Variants in TPST1 observed in about 807,000 individuals in gnomAD.
The protein encoded by TPST1 is tyrosylprotein sulfotransferase 1.
In TPST1, 20 loss-of-function variants were observed where a neutral mutation model predicts 34.8. The observed-to-expected ratio is 0.57, with a 90% CI of 0.40 to 0.84. The LOEUF (loss-of-function observed/expected upper bound fraction) is 0.84, where lower values mean the gene tolerates loss of function less well. Among genes scored for constraint, TPST1 ranks in the 40% least tolerant of loss-of-function variants. The pLI is 0.00. For synonymous variants in TPST1, 152 were observed against 159.4 expected, an observed-to-expected ratio of 0.95 and a Z score of 0.35; for missense variants, 353 against 455.5, an observed-to-expected ratio of 0.78 and a Z score of 2.05.
At chr7:66,264,624 A>C (rs1018061356) in intron 2 of TPST1, among the ~76,000 whole-genome samples, 3 of 152,242 alleles carry the variant, frequency 2.0e-5, no homozygotes, top group Non-Finnish European at 4.4e-5. Flanking sequence ...TTACAGAATT[A>C]GTTTTGATAA....
Position 66,241,145 on chromosome 7 carries a change from A to G in TPST1, c.720A>G (p.Glu240=). Residue 240 remains glutamate, a synonymous_variant, in exon 2 of 6, where the codon GAA becomes GAG. Coordinates refer to ENST00000304842, the MANE Select transcript of TPST1 (RefSeq NM_003596.4). ...AAAAGTGCATGTTGGTTCACTATGA[A>G]CAACTTGTCTTACATCCTGAACGGT... ...GYKKCMLVHY[E]QLVLHPERWM... is the part of the protein sequence containing the mutation. 6.2e-7 allele frequency: 1 copy of G among 1,614,216 alleles called. No homozygotes were observed. Among genetic ancestry groups the G allele is most frequent in the Non-Finnish European group, 8.5e-7 (1 of 1,180,036 alleles).
At chr7:66,327,954 G>GTTTGTCTCTTTGTTGTGT (rs1258557311) in intron 3 of TPST1, among the ~76,000 whole-genome samples, 2 of 91,808 alleles carry the variant, frequency 2.2e-5, no homozygotes, top group African/African-American at 8.5e-5. Context: ...CATACATTTT[G>GTTTGTCTCTTTGTTGTGT]TTTGTCTCTT....
At chr7:66,228,295 ATTG>A (rs1393373845) in intron 1 of TPST1, among the ~76,000 whole-genome samples, 1 of 152,216 alleles carries the variant, frequency 6.6e-6, no homozygotes, top group Non-Finnish European at 1.5e-5. Context: ...CTACAATCAA[ATTG>A]TTGTTAAGGA....
chr7:66,206,446 A>G (rs927813785), intron 1 of TPST1, among the ~76,000 whole-genome samples: 3 of 152,146 alleles, frequency 2.0e-5, no homozygotes, highest in East Asian at 1.9e-4. Flanking sequence ...CAGTGTCCAC[A>G]GGGATTTGAC....
intron 1 of TPST1, among the ~76,000 whole-genome samples, chr7:66,214,979 T>C (rs1358703425): frequency 6.8e-6 from 1 of 147,098 alleles, no homozygotes; most frequent in African/African-American, 2.5e-5. Context: ...TTATAAGATA[T>C]ATGCATTAAC....
At chr7:66,350,846 CA>C (rs1182148758) in intron 3 of TPST1, among the ~76,000 whole-genome samples, 1 of 152,068 alleles carries the variant, frequency 6.6e-6, no homozygotes, top group African/African-American at 2.4e-5. Context: ...TTTGCTGTTG[CA>C]AAGTGTTGAA....
At chr7:66,251,250 A>G (rs1271432173) in intron 2 of TPST1, among the ~76,000 whole-genome samples, 1 of 152,158 alleles carries the variant, frequency 6.6e-6, no homozygotes, top group Non-Finnish European at 1.5e-5. Flanking sequence ...TTATTATTAT[A>G]ATAATAAGGA....
At chr7:66,315,174 T>A (rs1416938650) in intron 3 of TPST1, among the ~76,000 whole-genome samples, 1 of 152,230 alleles carries the variant, frequency 6.6e-6, no homozygotes, top group Non-Finnish European at 1.5e-5. Context: ...AAGGAATGAC[T>A]TAACACGGTG....
intron 2 of TPST1, among the ~76,000 whole-genome samples, chr7:66,267,862 C>T (rs932908732): frequency 6.6e-6 from 1 of 152,154 alleles, no homozygotes; most frequent in Admixed American, 6.5e-5. Context: ...GAAATGCATA[C>T]ACATATTGTA....
chr7:66,278,892 A>T (rs1790876314), intron 2 of TPST1, among the ~76,000 whole-genome samples: 1 of 152,180 alleles, frequency 6.6e-6, no homozygotes, highest in African/African-American at 2.4e-5. Context: ...TTCTGATATG[A>T]TTCTAAACAT....
chr7:66,200,483 A>C (rs920435430), upstream of TPST1, among the ~76,000 whole-genome samples: 1 of 93,522 alleles, frequency 1.1e-5, no homozygotes, highest in Non-Finnish European at 2.2e-5. Flanking sequence ...GCAGTGGCGC[A>C]ATCTCGGCTC....
chr7:66,273,079 T>C (rs1383148716), intron 2 of TPST1, among the ~76,000 whole-genome samples: 2 of 152,174 alleles, frequency 1.3e-5, no homozygotes, highest in African/African-American at 4.8e-5. Context: ...ATGAATTCAG[T>C]AAAATTTCAA....
Position 66,240,576 on chromosome 7 carries a change from G to A in TPST1, c.151G>A (p.Val51Met), listed in dbSNP as rs747444131. The change falls in exon 2 of 6, where the codon GTG becomes ATG. Residue 51 changes from valine (V) to methionine (M), a missense_variant. Transcript: ENST00000304842. The part of the protein sequence containing the change: ...PVKLESTRTT[V>M]RTGLDLKANK... ...CAAATTGGAGAGCACAAGGACCACTGTGAGAACTGGCCTGGACCTCAAAGC... is the reference window on the plus strand; with the variant it reads ...CAAATTGGAGAGCACAAGGACCACTATGAGAACTGGCCTGGACCTCAAAGC... 6 of 1,614,080 alleles carry A rather than the reference G, an allele frequency of 3.7e-6. No homozygotes were observed. Among genetic ancestry groups the A allele is most frequent in the Non-Finnish European group, 5.1e-6 (6 of 1,180,046 alleles).
upstream of TPST1, among the ~76,000 whole-genome samples, chr7:66,201,519 T>C (rs1016388082): frequency 4.6e-5 from 7 of 151,796 alleles, no homozygotes; most frequent in Admixed American, 4.6e-4. Flanking sequence ...GGTGAAACCC[T>C]GTCTCTACTA....
intron 3 of TPST1, among the ~76,000 whole-genome samples, chr7:66,298,311 A>G (rs1791243665): frequency 6.6e-6 from 1 of 152,100 alleles, no homozygotes; most frequent in South Asian, 2.1e-4. Context: ...TGTTTCATGT[A>G]TTTAGGATCT....
At chr7:66,214,001 T>C (rs1789334222) in intron 1 of TPST1, among the ~76,000 whole-genome samples, 2 of 152,194 alleles carry the variant, frequency 1.3e-5, no homozygotes, top group African/African-American at 4.8e-5. Flanking sequence ...CTGCCTTTTG[T>C]TTCATAACAG....
chr7:66,281,648 A>G (rs1385157559), intron 2 of TPST1, among the ~76,000 whole-genome samples: 2 of 152,220 alleles, frequency 1.3e-5, no homozygotes, highest in East Asian at 1.9e-4. Flanking sequence ...ATGGTATTTC[A>G]TTACATGTTT....
intron 2 of TPST1, among the ~76,000 whole-genome samples, chr7:66,269,838 A>G (rs945129190): frequency 2.0e-5 from 3 of 152,152 alleles, no homozygotes; most frequent in Admixed American, 2.0e-4. Context: ...GTAAGGTGAT[A>G]TTTGAGTAGA....
At chr7:66,318,850 A>G (rs1161951005) in intron 3 of TPST1, among the ~76,000 whole-genome samples, 1 of 152,156 alleles carries the variant, frequency 6.6e-6, no homozygotes, top group Non-Finnish European at 1.5e-5. Context: ...AATTCTTGAA[A>G]TGTTGTTTTG....
Sources: gnomAD v4.1 joint callset for allele counts (sites outside exome capture counted in the v4.1 genomes callset) on GRCh38, gnomAD v4.1.1 for gene constraint, MANE v1.5 for transcripts, NCBI Gene and HGNC (gene_info 2026-07-23, HGNC 2026-07-21) for gene names.